Variants in NECAB1 observed in about 807,000 individuals in gnomAD.
NECAB1 encodes the protein N-terminal EF-hand calcium-binding protein 1.
In NECAB1, 29 loss-of-function variants were observed where a neutral mutation model predicts 57.5. The observed-to-expected ratio is 0.50, with a 90% CI of 0.38 to 0.69. The LOEUF (loss-of-function observed/expected upper bound fraction) is 0.69, where lower values mean the gene tolerates loss of function less well. Among genes scored for constraint, NECAB1 ranks in the 30% least tolerant of loss-of-function variants. NECAB1 has a pLI of 0.00. For synonymous variants in NECAB1, 142 were observed against 147.7 expected (o/e 0.96, Z 0.28); for missense variants, 372 against 413.8 (o/e 0.90, Z 0.88).
chr8:90,952,869 C>T (rs1170131439), intron 12 of NECAB1, among the ~76,000 whole-genome samples: 1 of 151,972 alleles, frequency 6.6e-6, no homozygotes, highest in Non-Finnish European at 1.5e-5. Flanking sequence ...CTGCTGCAAG[C>T]TTTGTACATA....
intron 11 of NECAB1, among the ~76,000 whole-genome samples, chr8:90,950,155 G>T (rs965628106): frequency 6.6e-6 from 1 of 152,096 alleles, no homozygotes; most frequent in African/African-American, 2.4e-5. Context: ...ATATAGATAG[G>T]GGGTATGAGT....
chr8:90,924,020 T>C (rs1048080246), intron 6 of NECAB1, among the ~76,000 whole-genome samples: 3 of 152,234 alleles, frequency 2.0e-5, no homozygotes, highest in South Asian at 2.1e-4. Context: ...GAGCTCATTA[T>C]AATGCTAATA....
intron 3 of NECAB1, among the ~76,000 whole-genome samples, chr8:90,844,898 A>G (rs1812527122): frequency 6.6e-6 from 1 of 152,212 alleles, no homozygotes; most frequent in Admixed American, 6.5e-5. Context: ...AAACAATAGG[A>G]TGTGTATCTA....
rs149421774 is a variant in NECAB1, at chr8:90,920,793, G to A, written c.494+3165G>A. 2.3e-3 allele frequency among the ~76,000 whole-genome samples: 350 copies of A among 152,182 alleles called. 2 individuals carry two copies. The highest frequency in any genetic ancestry group is 8.1e-3 in the African/African-American group (335 of 41,530). ...TTGTTTATCTCCCCCATTAGACATTGAGTTTTTAGATGGCAGAGACTTTGC... is the reference window on the plus strand; with the variant it reads ...TTGTTTATCTCCCCCATTAGACATTAAGTTTTTAGATGGCAGAGACTTTGC... On this transcript the variant is annotated intron_variant, in intron 6 of 12. Coordinates refer to ENST00000417640, the MANE Select transcript of NECAB1 (RefSeq NM_022351.5).
At chr8:90,906,895 A>G (rs1392552330) in intron 5 of NECAB1, among the ~76,000 whole-genome samples, 5 of 139,198 alleles carry the variant, frequency 3.6e-5, no homozygotes, top group African/African-American at 1.4e-4. Context: ...ATATATATAT[A>G]TATATATATA....
intron 3 of NECAB1, among the ~76,000 whole-genome samples, chr8:90,860,466 CA>C (rs1812881622): frequency 6.6e-6 from 1 of 152,042 alleles, no homozygotes; most frequent in South Asian, 2.1e-4. Flanking sequence ...ATGTATTTAT[CA>C]GCTAAATAAC....
chr8:90,945,230 G>A (rs1810775459), intron 10 of NECAB1, among the ~76,000 whole-genome samples: 1 of 152,008 alleles, frequency 6.6e-6, no homozygotes, highest in African/African-American at 2.4e-5. Flanking sequence ...GCCACACCCG[G>A]CTAATTTTTT....
chr8:90,908,193 T>TAA (rs1563529091), intron 5 of NECAB1, among the ~76,000 whole-genome samples: 1 of 152,206 alleles, frequency 6.6e-6, no homozygotes, highest in African/African-American at 2.4e-5. Flanking sequence ...ATGAGTGTTA[T>TAA]CCTTTGAGTA....
chr8:90,858,695 A>G (rs1270769596), intron 3 of NECAB1, among the ~76,000 whole-genome samples: 2 of 151,938 alleles, frequency 1.3e-5, no homozygotes, highest in Admixed American at 1.3e-4. Context: ...TAGATTCCGA[A>G]GAATATTGGG....
At chr8:90,906,336 G>A (rs1249644704) in intron 5 of NECAB1, among the ~76,000 whole-genome samples, 1 of 152,124 alleles carries the variant, frequency 6.6e-6, no homozygotes, top group Non-Finnish European at 1.5e-5. Context: ...TTAAGACTGA[G>A]AAGACTTATT....
At chr8:90,940,126 C>G (rs1810634046) in intron 9 of NECAB1, 1 of 152,240 alleles carries the variant, frequency 6.6e-6, no homozygotes. Flanking sequence ...GGATTTGTTA[C>G]AGGAAACAGT....
intron 2 of NECAB1, among the ~76,000 whole-genome samples, chr8:90,819,386 C>T (rs1161468029): frequency 6.6e-6 from 1 of 151,970 alleles, no homozygotes; most frequent in Non-Finnish European, 1.5e-5. Context: ...GAAAGCCTGG[C>T]ATGATGTATC....
At position 90,801,713 on chromosome 8, in the gene NECAB1, A is replaced by T. The variant is rs1407807328; in HGVS notation, c.122A>T (p.Asn41Ile). The change falls in exon 2 of 13, where the codon AAT (asparagine) becomes ATT (isoleucine). Residue 41 changes from asparagine to isoleucine, a missense_variant and splice_region_variant. Coordinates refer to ENST00000417640, the MANE Select transcript of NECAB1 (RefSeq NM_022351.5). ...CAGATACTGAGGAGAGCAGACAAAAATGGTAAGACCAAAAATCTACAGTAT... is the reference window on the plus strand; with the variant it reads ...CAGATACTGAGGAGAGCAGACAAAATTGGTAAGACCAAAAATCTACAGTAT... ...FLDILRRADK[N>I]DDGKLSFEEF... 2.0e-6 allele frequency: 3 copies of T among 1,523,652 alleles called. No homozygotes were observed. The highest frequency in any genetic ancestry group is 1.4e-5 in the African/African-American group (1 of 72,202). The allele number at this position is 1,523,652 out of a possible 1,614,324, so 94.4% of individuals were successfully genotyped here.
chr8:90,859,795 C>G (rs1268353559), intron 3 of NECAB1, among the ~76,000 whole-genome samples: 2 of 151,938 alleles, frequency 1.3e-5, no homozygotes, highest in African/African-American at 2.4e-5. Flanking sequence ...ACCATTTTTT[C>G]TAATGTAATA....
intron 4 of NECAB1, among the ~76,000 whole-genome samples, chr8:90,873,796 G>A (rs1283104494): frequency 6.6e-6 from 1 of 152,078 alleles, no homozygotes; most frequent in Non-Finnish European, 1.5e-5. Flanking sequence ...TTCCTTGAAA[G>A]TACTTCAAGT....
intron 6 of NECAB1, among the ~76,000 whole-genome samples, chr8:90,924,096 A>T (rs1415395735): frequency 6.6e-6 from 1 of 152,232 alleles, no homozygotes; most frequent in Non-Finnish European, 1.5e-5. Flanking sequence ...AAGTGTCTAA[A>T]AACTCCCAGA....
Position 90,917,597 on chromosome 8 carries a change from G to GA in NECAB1, c.466dup (p.Thr156AsnfsTer3). Reference sequence around the variant, plus strand: ...CCAGAATTCCCTGGAATGTGCCATGGAAACTACTGAGGAGCAAACCCGTCA... The same window carrying GA: ...CCAGAATTCCCTGGAATGTGCCATGGAAAACTACTGAGGAGCAAACCCGTCA... On this transcript the variant is annotated frameshift_variant, in exon 6 of 13. Coordinates refer to ENST00000417640, the MANE Select transcript of NECAB1 (RefSeq NM_022351.5). LOFTEE classifies it high-confidence loss of function. 1 of 1,611,338 alleles carries GA rather than the reference G, an allele frequency of 6.2e-7. No homozygotes were observed. Among genetic ancestry groups the GA allele is most frequent in the Non-Finnish European group, 8.5e-7 (1 of 1,178,472 alleles).
At chr8:90,803,825 G>A (rs1255401256) in intron 2 of NECAB1, among the ~76,000 whole-genome samples, 1 of 152,134 alleles carries the variant, frequency 6.6e-6, no homozygotes, top group East Asian at 1.9e-4. Flanking sequence ...TCCGCCTCCT[G>A]TAACTTTCCA....
intron 5 of NECAB1, among the ~76,000 whole-genome samples, chr8:90,906,775 A>T (rs1278665731): frequency 6.6e-6 from 1 of 150,724 alleles, no homozygotes; most frequent in Non-Finnish European, 1.5e-5. Context: ...GACATTCAGA[A>T]CTAATTTTAA....
Sources: gnomAD v4.1 joint callset for allele counts (sites outside exome capture counted in the v4.1 genomes callset) on GRCh38, gnomAD v4.1.1 for gene constraint, MANE v1.5 for transcripts, NCBI Gene and HGNC (gene_info 2026-07-23, HGNC 2026-07-21) for gene names.